GTF2I: variants seen among roughly 807,000 people sequenced by gnomAD.
GTF2I encodes the protein general transcription factor II-I.
GTF2I carries 12 observed loss-of-function variants against 67.6 expected under a neutral mutation model. That is an observed-to-expected ratio of 0.18 (90% confidence interval 0.11 to 0.29). The LOEUF is 0.29. Ranked by LOEUF, GTF2I falls within the 10% of genes least tolerant of loss-of-function variation. The pLI is 1.00. For missense variants in GTF2I, 271 were observed against 580.1 expected (o/e 0.47, Z 5.47); for synonymous variants, 149 against 197.0 (o/e 0.76, Z 2.04).
At chr7:74,671,038 G>C (rs117344503) in intron 1 of GTF2I, among the ~76,000 whole-genome samples, 3,493 of 148,028 alleles carry the variant, frequency 0.024, 70 homozygotes, top group Non-Finnish European at 0.035. Context: ...GTGAAACTCA[G>C]AACTCAGAGC....
chr7:74,669,996 GTTAT>G (rs1554390043), intron 1 of GTF2I, among the ~76,000 whole-genome samples: 3 of 152,056 alleles, frequency 2.0e-5, no homozygotes, highest in Non-Finnish European at 4.4e-5. Flanking sequence ...CAGAAAATAG[GTTAT>G]TTTATTTAGC....
intron 10 of GTF2I, among the ~76,000 whole-genome samples, chr7:74,716,192 G>A (rs1325657361): frequency 3.3e-5 from 5 of 151,978 alleles, no homozygotes; most frequent in African/African-American, 1.2e-4. Context: ...GCTCTCTGAT[G>A]TCTTAGATTC....
intron 17 of GTF2I, 127 bp downstream of exon 17, chr7:74,735,659 T>G: frequency 1.9e-6 from 1 of 516,554 alleles, no homozygotes; most frequent in South Asian, 1.9e-5. Flanking sequence ...TTCCCTGTTT[T>G]TTTTTTTTGG....
At chr7:74,674,919 T>A (rs1458169282) in intron 1 of GTF2I, among the ~76,000 whole-genome samples, 1 of 151,508 alleles carries the variant, frequency 6.6e-6, no homozygotes, top group Non-Finnish European at 1.5e-5. Context: ...AGTGGCACCA[T>A]CTCAGCTCAC....
Position 74,698,958 on chromosome 7 carries a change from C to T in GTF2I, c.239-3C>T. ...TTTATTTTATTTTTTATTTTTTTTA[C>T]AGGTGTTGAAGAAGAAGAAAAAGCT... On this transcript the variant is annotated splice_polypyrimidine_tract_variant and splice_region_variant and intron_variant, in intron 3 of 34. Transcript: ENST00000573035. 7.8e-7 allele frequency: 1 copy of T among 1,274,198 alleles called. No homozygotes were observed. Among genetic ancestry groups the T allele is most frequent in the Non-Finnish European group, 1.0e-6 (1 of 966,372 alleles). 78.9% of individuals were successfully genotyped at this position (1,274,198 alleles called of 1,614,324 possible).
At chr7:74,663,297 T>C (rs1478789921) in intron 1 of GTF2I, among the ~76,000 whole-genome samples, 2 of 152,186 alleles carry the variant, frequency 1.3e-5, no homozygotes, top group South Asian at 2.1e-4. Flanking sequence ...TATTTATTTA[T>C]TTTTTTGAGA....
intron 3 of GTF2I, among the ~76,000 whole-genome samples, chr7:74,698,306 G>A (rs1363966273): frequency 6.6e-6 from 1 of 150,504 alleles, no homozygotes; most frequent in Non-Finnish European, 1.5e-5. Context: ...TGACCAGGAC[G>A]CTCTCAATCT....
intron 24 of GTF2I, among the ~76,000 whole-genome samples, chr7:74,748,780 G>C (rs868979713): frequency 3.9e-4 from 59 of 149,940 alleles, no homozygotes; most frequent in Non-Finnish European, 8.2e-4. Context: ...GCATGGTGGC[G>C]CATGCCTGTA....
intron 8 of GTF2I, 41 bp downstream of exon 8, chr7:74,706,474 A>G (rs782240511): frequency 1.4e-6 from 2 of 1,454,640 alleles, no homozygotes; most frequent in Non-Finnish European, 1.9e-6. Flanking sequence ...GAAATTAAGG[A>G]AGACTTTTCC....
rs1395433342 is a variant in GTF2I, at chr7:74,741,049, T to C, written c.1679-2400T>C. The stretch of plus-strand genomic sequence containing the variant: ...ATCAGTGATATTCTACATGTCTTTA[T>C]AATAGCTTTTTTGTTTGTTTGTTTG... On this transcript the variant is annotated intron_variant, in intron 19 of 34. Transcript: ENST00000573035. 5.7e-5 allele frequency among the ~76,000 whole-genome samples: 2 copies of C among 35,040 alleles called. 1 individual carries two copies. Among genetic ancestry groups the C allele is most frequent in the Non-Finnish European group, 1.0e-4 (2 of 19,062 alleles). The allele number at this position is 35,040 out of a possible 152,430, so 23.0% of individuals were successfully genotyped here. A position where few individuals can be genotyped will look rare whatever the true frequency, so the allele number is the denominator to read the frequency against.
chr7:74,706,197 C>T (rs587636980), intron 7 of GTF2I, among the ~76,000 whole-genome samples, 193 bp from the exon 8 acceptor site: 2 of 152,360 alleles, frequency 1.3e-5, no homozygotes, highest in Non-Finnish European at 2.9e-5. Flanking sequence ...GGATTACAGG[C>T]GTGAGCCACT....
chr7:74,718,066 T>C (rs1792478434), intron 11 of GTF2I, among the ~76,000 whole-genome samples: 1 of 152,184 alleles, frequency 6.6e-6, no homozygotes, highest in South Asian at 2.1e-4. Context: ...GTACGAGGGC[T>C]CATTGGGCAG....
chr7:74,747,792 C>CAAAAA (rs4028287), intron 23 of GTF2I, among the ~76,000 whole-genome samples: 1 of 35,328 alleles, frequency 2.8e-5, no homozygotes, highest in African/African-American at 9.6e-5. Context: ...AACTTTGTCT[C>CAAAAA]AAAAAAAAAA....
In GTF2I at chr7:74,721,574, C is replaced by T. The variant is rs1554404613; in HGVS notation, c.943+2633C>T. ...AAATATGTATATTATATAGAAATTACATCAACAATTAAATTCCTCATTTTT... is the reference window on the plus strand; with the variant it reads ...AAATATGTATATTATATAGAAATTATATCAACAATTAAATTCCTCATTTTT... On this transcript the variant is annotated intron_variant, in intron 12 of 34. Coordinates refer to ENST00000573035, the MANE Select transcript of GTF2I (RefSeq NM_032999.4). 2.0e-5 allele frequency among the ~76,000 whole-genome samples: 3 copies of T among 151,736 alleles called. No individual in the cohort carries two copies. The South Asian group carries it at 6.2e-4, about 31-fold the overall frequency.
intron 12 of GTF2I, among the ~76,000 whole-genome samples, chr7:74,722,210 C>T (rs781983400): frequency 6.6e-6 from 1 of 152,316 alleles, no homozygotes; most frequent in South Asian, 2.1e-4. Flanking sequence ...TACTTACCCA[C>T]TGCCGGTGCG....
At chr7:74,682,567 T>G (rs1025125655) in intron 1 of GTF2I, among the ~76,000 whole-genome samples, 1 of 152,180 alleles carries the variant, frequency 6.6e-6, no homozygotes. Context: ...TTAGAGTGAT[T>G]CTAGGCAGGT....
At chr7:74,707,713 C>CA (rs1209949497) in intron 8 of GTF2I, among the ~76,000 whole-genome samples, 9 of 151,320 alleles carry the variant, frequency 5.9e-5, no homozygotes, top group South Asian at 2.1e-4. Context: ...TAGATTGTGC[C>CA]AAAAAAAATC....
intron 9 of GTF2I, among the ~76,000 whole-genome samples, chr7:74,712,811 A>T (rs1355601695): frequency 6.6e-6 from 1 of 151,874 alleles, no homozygotes; most frequent in Non-Finnish European, 1.5e-5. Context: ...TCACAAGTAG[A>T]TTTAATCATG....
chr7:74,707,871 A>C (rs1203195992), intron 8 of GTF2I, among the ~76,000 whole-genome samples: 1 of 151,904 alleles, frequency 6.6e-6, no homozygotes, highest in African/African-American at 2.4e-5. Context: ...GCATCATTAT[A>C]GGTTTTTTTT....
Sources: allele counts gnomAD v4.1 joint callset (sites outside exome capture counted in the v4.1 genomes callset), GRCh38; gene constraint gnomAD v4.1.1; transcripts MANE v1.5; gene names NCBI Gene and HGNC (gene_info 2026-07-23, HGNC 2026-07-21).